Variants in ZSCAN25 observed in about 807,000 individuals in gnomAD.
The protein encoded by ZSCAN25 is zinc finger and SCAN domain containing 25.
In ZSCAN25, 27 loss-of-function variants were observed where a neutral mutation model predicts 38.7. That is an observed-to-expected ratio of 0.70 (90% confidence interval 0.51 to 0.96). The LOEUF is 0.96. Among genes scored for constraint, ZSCAN25 ranks in the 40% least tolerant of loss-of-function variants. The probability of loss-of-function intolerance (pLI) is 0.00; values close to 1 mark genes in which losing one functional copy is unlikely to be tolerated. For missense variants in ZSCAN25, 637 were observed against 705.9 expected, an observed-to-expected ratio of 0.90 and a Z score of 1.11; for synonymous variants, 273 against 277.7, an observed-to-expected ratio of 0.98 and a Z score of 0.17.
the ZSCAN25 span, chr7:99,658,910 C>G: frequency 1.3e-5 from 2 of 152,194 alleles, no homozygotes; most frequent in African/African-American, 4.8e-5. Flanking sequence ...ACGTAGTTCT[C>G]GTGCCATGGT....
chr7:99,667,646 T>C, the ZSCAN25 span, among the ~76,000 whole-genome samples: 1 of 152,226 alleles, frequency 6.6e-6, no homozygotes, highest in East Asian at 1.9e-4. Context: ...AAAGGGATAA[T>C]TACTTTTCCC....
At chr7:99,711,755 C>T in the ZSCAN25 span, among the ~76,000 whole-genome samples, 207 of 150,262 alleles carry the variant, frequency 1.4e-3, 1 homozygote, top group African/African-American at 4.7e-3. Flanking sequence ...GCAACAAGAG[C>T]GAAAACTCTG....
chr7:99,676,453 A>C, the ZSCAN25 span: 7 of 1,447,040 alleles, frequency 4.8e-6, no homozygotes, highest in East Asian at 2.2e-4. Context: ...CCAATCCTGG[A>C]GTGAATACTT....
chr7:99,717,230 C>G, the ZSCAN25 span: 2 of 1,613,942 alleles, frequency 1.2e-6, no homozygotes, highest in South Asian at 1.1e-5. Context: ...GATTTCTCAC[C>G]AACACATCTC....
chr7:99,715,924 T>C, the ZSCAN25 span: 6 of 1,613,280 alleles, frequency 3.7e-6, no homozygotes, highest in Admixed American at 1.7e-5. Flanking sequence ...GAGAAAGATG[T>C]GGAAAATTAA....
intron 6 of ZSCAN25, among the ~76,000 whole-genome samples, chr7:99,623,418 A>G (rs1026121590): frequency 2.6e-5 from 4 of 152,200 alleles, no homozygotes; most frequent in African/African-American, 9.6e-5. Context: ...TCTTTTCCAC[A>G]GGGTGCTGAG....
At chr7:99,689,783 C>A in the ZSCAN25 span, among the ~76,000 whole-genome samples, 3 of 152,110 alleles carry the variant, frequency 2.0e-5, no homozygotes, top group Non-Finnish European at 4.4e-5. Flanking sequence ...CAAACCACTG[C>A]TCAATGAAAT....
chr7:99,685,770 A>G, the ZSCAN25 span, among the ~76,000 whole-genome samples: 9 of 152,198 alleles, frequency 5.9e-5, no homozygotes, highest in African/African-American at 2.2e-4. Flanking sequence ...AGGATCCCAT[A>G]AGTCACCTAG....
intron 7 of ZSCAN25, among the ~76,000 whole-genome samples, chr7:99,627,766 G>A (rs1279167171): frequency 4.0e-5 from 6 of 150,964 alleles, no homozygotes; most frequent in Admixed American, 3.3e-4. Flanking sequence ...TGCTGTATAC[G>A]TATATCTCGT....
the ZSCAN25 span, chr7:99,700,180 G>T: frequency 4.9e-6 from 3 of 616,554 alleles, no homozygotes; most frequent in African/African-American, 3.6e-5. Context: ...GGAGAAGGAG[G>T]CGGGGCTGCA....
chr7:99,674,455 TG>T, the ZSCAN25 span: 1 of 1,135,274 alleles, frequency 8.8e-7, no homozygotes, highest in South Asian at 1.4e-5. Flanking sequence ...CATGAAGACC[TG>T]GGCAGAGACT....
the ZSCAN25 span, among the ~76,000 whole-genome samples, chr7:99,643,533 T>C: frequency 2.0e-4 from 31 of 152,192 alleles, no homozygotes; most frequent in South Asian, 6.2e-3. Context: ...ATGTCAACTC[T>C]TCATGTCATT....
At chr7:99,622,764 G>T (rs1807092546) in intron 6 of ZSCAN25, 124 bp downstream of exon 6, 2 of 839,332 alleles carry the variant, frequency 2.4e-6, no homozygotes, top group African/African-American at 1.7e-5. Context: ...TCCCTTCCTA[G>T]TCCCGGTGGA....
At chr7:99,653,748 C>A in the ZSCAN25 span, among the ~76,000 whole-genome samples, 2 of 152,198 alleles carry the variant, frequency 1.3e-5, no homozygotes, top group African/African-American at 4.8e-5. The surrounding 1 kb of genome is among the most constrained non-coding windows in gnomAD (Gnocchi z 4.2). Context: ...GGTCTCTTCA[C>A]ACTAAAAAGA....
the ZSCAN25 span, among the ~76,000 whole-genome samples, chr7:99,683,928 C>G: frequency 6.6e-6 from 1 of 152,100 alleles, no homozygotes; most frequent in Non-Finnish European, 1.5e-5. Flanking sequence ...TGGGAACAGA[C>G]AAGGAATGAG....
chr7:99,706,668 C>T, the ZSCAN25 span, among the ~76,000 whole-genome samples: 1 of 151,988 alleles, frequency 6.6e-6, no homozygotes, highest in Non-Finnish European at 1.5e-5. Flanking sequence ...TTTCAAAAGG[C>T]ATGAATATAT....
the ZSCAN25 span, chr7:99,650,235 A>T: frequency 1.2e-6 from 2 of 1,612,710 alleles, no homozygotes; most frequent in South Asian, 2.2e-5. Flanking sequence ...TACTGAACCT[A>T]GTTCCATATT....
the ZSCAN25 span, among the ~76,000 whole-genome samples, chr7:99,712,158 A>G: frequency 6.6e-6 from 1 of 152,198 alleles, no homozygotes; most frequent in South Asian, 2.1e-4. Flanking sequence ...TAGGACATTT[A>G]GAGACCGGGA....
the ZSCAN25 span, among the ~76,000 whole-genome samples, chr7:99,643,345 C>G: frequency 6.6e-6 from 1 of 152,066 alleles, no homozygotes; most frequent in Non-Finnish European, 1.5e-5. Flanking sequence ...ACTTTAGAAG[C>G]CTGTGAGCCG....
Sources: gnomAD v4.1 joint callset for allele counts (sites outside exome capture counted in the v4.1 genomes callset) on GRCh38, gnomAD v4.1.1 for gene constraint, Gnocchi (gnomAD v3.1) non-coding constraint, MANE v1.5 for transcripts, NCBI Gene and HGNC (gene_info 2026-07-23, HGNC 2026-07-21) for gene names.